PIP5K1B: variants seen among roughly 807,000 people sequenced by gnomAD.
The protein encoded by PIP5K1B is phosphatidylinositol 4-phosphate 5-kinase type-1 beta.
Under a neutral mutation model 67.0 loss-of-function variants are expected in PIP5K1B, and 42 were observed. That is an observed-to-expected ratio of 0.63 (90% CI 0.49 to 0.81). The LOEUF is 0.81. Among genes scored for constraint, PIP5K1B ranks in the 30% least tolerant of loss-of-function variants. PIP5K1B has a pLI of 0.00. For missense variants in PIP5K1B, 459 were observed against 646.3 expected (o/e 0.71, Z 3.14); for synonymous variants, 214 against 231.4 (o/e 0.92, Z 0.68).
At chr9:68,794,689 T>C (rs1465255299) in intron 2 of PIP5K1B, among the ~76,000 whole-genome samples, 3 of 133,460 alleles carry the variant, frequency 2.2e-5, no homozygotes, top group Non-Finnish European at 4.9e-5. Context: ...CAGTGAGTGC[T>C]GTAAATTAAA....
chr9:68,857,370 C>T (rs1168322092), intron 4 of PIP5K1B, among the ~76,000 whole-genome samples: 1 of 152,198 alleles, frequency 6.6e-6, no homozygotes, highest in Non-Finnish European at 1.5e-5. Flanking sequence ...TGCCTACCCA[C>T]AAACTGTATA....
At chr9:68,829,980 G>A (rs1194209334) in intron 4 of PIP5K1B, among the ~76,000 whole-genome samples, 1 of 152,124 alleles carries the variant, frequency 6.6e-6, no homozygotes, top group Non-Finnish European at 1.5e-5. Flanking sequence ...AGTCAAGCCT[G>A]GGCATGGGAG....
At chr9:68,878,984 TG>T (rs1161292476) in intron 6 of PIP5K1B, among the ~76,000 whole-genome samples, 1 of 152,120 alleles carries the variant, frequency 6.6e-6, no homozygotes, top group African/African-American at 2.4e-5. Context: ...CCAATATGGC[TG>T]GAGGGGAGAG....
intron 6 of PIP5K1B, among the ~76,000 whole-genome samples, chr9:68,878,013 CTGTGTGTGTGTGTGTGTGTGTG>C (rs35871698): frequency 7.0e-6 from 1 of 142,006 alleles, no homozygotes; most frequent in Admixed American, 7.1e-5. Context: ...CGCATTTGTT[CTGTGTGTGTGTGTGTGTGTGTG>C]TGTGTGTGTG....
chr9:68,963,787 C>T (rs1828876056), intron 14 of PIP5K1B, among the ~76,000 whole-genome samples: 1 of 152,186 alleles, frequency 6.6e-6, no homozygotes, highest in Non-Finnish European at 1.5e-5. Context: ...ACAGCTATTA[C>T]ACTTTAGACA....
At chr9:68,719,640 C>G (rs1299393055) in intron 1 of PIP5K1B, among the ~76,000 whole-genome samples, 1 of 151,962 alleles carries the variant, frequency 6.6e-6, no homozygotes, top group Non-Finnish European at 1.5e-5. Flanking sequence ...GAAACTGAAA[C>G]AAATGGGAAA....
At chr9:68,910,360 C>T (rs929925407) in intron 8 of PIP5K1B, among the ~76,000 whole-genome samples, 1 of 152,090 alleles carries the variant, frequency 6.6e-6, no homozygotes, top group African/African-American at 2.4e-5. Context: ...ATTTTTCTGA[C>T]AACACAGAGC....
rs971575309 is a variant in PIP5K1B at position 68,856,636 on chromosome 9, T to C, written c.70-7201T>C. ...TCCCCCACTAGACTAGAAACTCCCA[T>C]GAGAGCAAGAACCACGTCTCTTTTT... On this transcript the variant is annotated intron_variant, in intron 4 of 15. Transcript: ENST00000265382. Among the ~76,000 whole-genome samples, 5 of 152,220 alleles carry C rather than the reference T, an allele frequency of 3.3e-5. No homozygotes were observed. The East Asian group carries it at 9.6e-4, about 29-fold the overall frequency.
At chr9:68,892,573 CTA>C (rs1292237281) in intron 7 of PIP5K1B, among the ~76,000 whole-genome samples, 1 of 152,130 alleles carries the variant, frequency 6.6e-6, no homozygotes, top group Non-Finnish European at 1.5e-5. Context: ...ATTAAATTCT[CTA>C]TTTCAGATCT....
intron 1 of PIP5K1B, among the ~76,000 whole-genome samples, chr9:68,721,525 G>A (rs543671067): frequency 1.3e-5 from 2 of 152,270 alleles, no homozygotes; most frequent in East Asian, 3.9e-4. Flanking sequence ...ACATATGGTA[G>A]CAGAGGCAGG....
intron 4 of PIP5K1B, among the ~76,000 whole-genome samples, chr9:68,852,014 A>G (rs1172985079): frequency 6.6e-6 from 1 of 152,218 alleles, no homozygotes; most frequent in Non-Finnish European, 1.5e-5. Context: ...TCTTTTTATG[A>G]GAACACATGG....
intron 12 of PIP5K1B, among the ~76,000 whole-genome samples, chr9:68,926,988 C>G (rs1826738518): frequency 6.6e-6 from 1 of 152,224 alleles, no homozygotes; most frequent in South Asian, 2.1e-4. Flanking sequence ...CTTTCTGTCT[C>G]TATGGTTTTG....
At chr9:68,847,374 C>T (rs1822242805) in intron 4 of PIP5K1B, among the ~76,000 whole-genome samples, 1 of 147,500 alleles carries the variant, frequency 6.8e-6, no homozygotes, top group Non-Finnish European at 1.5e-5. Context: ...TTATAATCAT[C>T]CCCTCTCATT....
chr9:68,897,403 T>C (rs377738713), intron 8 of PIP5K1B, among the ~76,000 whole-genome samples: 44 of 152,180 alleles, frequency 2.9e-4, no homozygotes, highest in African/African-American at 9.9e-4. Flanking sequence ...TGCAATGATA[T>C]TATATTGTGA....
Position 69,008,713 on chromosome 9 carries a change from G to T in PIP5K1B, c.*264G>T. 2.3e-6 allele frequency: 1 copy of T among 432,412 alleles called. No individual in the cohort carries two copies. Among genetic ancestry groups the T allele is most frequent in the Non-Finnish European group, 4.3e-6 (1 of 234,944 alleles). 26.8% of individuals were successfully genotyped at this position (432,412 alleles called of 1,614,324 possible). A position where few individuals can be genotyped will look rare whatever the true frequency, so the allele number is the denominator to read the frequency against. Reference sequence around the variant, plus strand: ...ATGAACTATATTTAAGCTGCTTTCTGTACCATTGCCAATCACCTTTTTGGA... The same window carrying T: ...ATGAACTATATTTAAGCTGCTTTCTTTACCATTGCCAATCACCTTTTTGGA... On this transcript the variant is annotated 3_prime_UTR_variant, in exon 16 of 16. Coordinates refer to ENST00000265382, the MANE Select transcript of PIP5K1B (RefSeq NM_003558.4).
chr9:68,798,154 A>G (rs774547723), intron 2 of PIP5K1B, among the ~76,000 whole-genome samples: 10 of 152,354 alleles, frequency 6.6e-5, no homozygotes, highest in East Asian at 1.9e-4. Context: ...CTCAAAGTAT[A>G]ATGAAAGTTT....
intron 14 of PIP5K1B, among the ~76,000 whole-genome samples, chr9:68,983,752 A>T (rs1221634153): frequency 6.6e-6 from 1 of 152,220 alleles, no homozygotes; most frequent in Non-Finnish European, 1.5e-5. Flanking sequence ...GTCTGAATCG[A>T]GAGAACTGTG....
At chr9:69,008,384 T>C in intron 15 of PIP5K1B, 63 bp from the exon 16 acceptor site, 2 of 1,507,984 alleles carry the variant, frequency 1.3e-6, no homozygotes, top group South Asian at 1.1e-5. Context: ...TTGCGACTCA[T>C]GGGGAGAGGT....
intron 1 of PIP5K1B, among the ~76,000 whole-genome samples, chr9:68,732,926 G>A (rs1174505532): frequency 7.3e-6 from 1 of 137,458 alleles, no homozygotes; most frequent in African/African-American, 2.8e-5. Context: ...TGGGGGGGGG[G>A]CGGCGCGGTG....
Sources: gnomAD v4.1 joint callset for allele counts (sites outside exome capture counted in the v4.1 genomes callset) on GRCh38, gnomAD v4.1.1 for gene constraint, MANE v1.5 for transcripts, NCBI Gene and HGNC (gene_info 2026-07-23, HGNC 2026-07-21) for gene names.